The following LUZP2 variants were observed in gnomAD, a reference collection of about 807,000 sequenced individuals.
LUZP2 encodes the protein leucine zipper protein 2.
Under a neutral mutation model 51.6 loss-of-function variants are expected in LUZP2, and 52 were observed. The observed-to-expected ratio is 1.01, with a 90% CI of 0.81 to 1.27. The LOEUF (loss-of-function observed/expected upper bound fraction) is 1.27, where lower values mean the gene tolerates loss of function less well. Among genes scored for constraint, LUZP2 ranks in the 50% most tolerant of loss-of-function variants. The probability of loss-of-function intolerance (pLI) is 0.00; values close to 1 mark genes in which losing one functional copy is unlikely to be tolerated. For missense variants in LUZP2, 436 were observed against 395.4 expected (o/e 1.10, Z -0.87); for synonymous variants, 154 against 137.3 (o/e 1.12, Z -0.85).
intron 1 of LUZP2, among the ~76,000 whole-genome samples, chr11:24,556,250 A>C (rs1851866309): frequency 6.6e-6 from 1 of 152,166 alleles, no homozygotes. Flanking sequence ...ATTACGTTGA[A>C]AGTTTTGTGA....
chr11:24,670,569 C>T (rs879296420), intron 1 of LUZP2, among the ~76,000 whole-genome samples: 70 of 151,900 alleles, frequency 4.6e-4, no homozygotes, highest in Non-Finnish European at 1.8e-4. Flanking sequence ...TTCTAATAGG[C>T]TGTTTTTTTG....
intron 1 of LUZP2, among the ~76,000 whole-genome samples, chr11:24,593,164 A>G (rs1853316519): frequency 6.6e-6 from 1 of 152,154 alleles, no homozygotes; most frequent in African/African-American, 2.4e-5. Flanking sequence ...AGTAAAAATC[A>G]ACTTTCCTCT....
chr11:24,598,503 A>G lies in LUZP2; in HGVS notation c.62+101198A>G, dbSNP rs139502465. ...TTAGATTTTTAAGCAAAATTAGATG[A>G]TTAAAAAAATAAGTGCATCAGCAGG... On this transcript the variant is annotated intron_variant, in intron 1 of 11. Transcript: ENST00000336930. Among the ~76,000 whole-genome samples, 192 of 152,242 alleles carry G rather than the reference A, an allele frequency of 1.3e-3. 1 individual carries two copies. Among genetic ancestry groups the G allele is most frequent in the Middle Eastern group, 3.4e-3 (1 of 294 alleles).
At chr11:24,668,373 C>T (rs993110103) in intron 1 of LUZP2, among the ~76,000 whole-genome samples, 5 of 152,300 alleles carry the variant, frequency 3.3e-5, no homozygotes, top group East Asian at 1.9e-4. Context: ...GAATTTGATA[C>T]ATGTTTCTTC....
At chr11:24,799,668 A>C (rs1004976649) in intron 5 of LUZP2, among the ~76,000 whole-genome samples, 1 of 152,128 alleles carries the variant, frequency 6.6e-6, no homozygotes, top group Non-Finnish European at 1.5e-5. Context: ...CACCAACTTC[A>C]TAACTCTAGT....
At chr11:24,727,061 G>T (rs952440084) in intron 1 of LUZP2, among the ~76,000 whole-genome samples, 1 of 151,784 alleles carries the variant, frequency 6.6e-6, no homozygotes, top group Non-Finnish European at 1.5e-5. Context: ...GATTTAAATT[G>T]GTTCTGTTTT....
intron 9 of LUZP2, among the ~76,000 whole-genome samples, chr11:24,996,096 A>T (rs774551038): frequency 7.9e-5 from 12 of 151,168 alleles, no homozygotes; most frequent in Non-Finnish European, 1.6e-4. Flanking sequence ...ATTATCTATT[A>T]TAATATATTT....
chr11:24,776,125 C>T (rs1848911650), intron 5 of LUZP2, among the ~76,000 whole-genome samples: 1 of 152,106 alleles, frequency 6.6e-6, no homozygotes, highest in South Asian at 2.1e-4. Context: ...ATAAGTTAAA[C>T]TTATCAATAA....
chr11:24,756,203 C>T (rs79627972), intron 4 of LUZP2, among the ~76,000 whole-genome samples: 1 of 152,132 alleles, frequency 6.6e-6, no homozygotes, highest in Non-Finnish European at 1.5e-5. Context: ...TCAGACCGAA[C>T]CAATGTGTAC....
chr11:24,670,745 T>A (rs1382327226), intron 1 of LUZP2, among the ~76,000 whole-genome samples: 3 of 151,978 alleles, frequency 2.0e-5, no homozygotes, highest in Non-Finnish European at 4.4e-5. Flanking sequence ...TTTCTTTTAT[T>A]TCATCAGAAA....
chr11:25,031,438 T>C (rs192548005), intron 9 of LUZP2, among the ~76,000 whole-genome samples: 1 of 152,312 alleles, frequency 6.6e-6, no homozygotes, highest in Admixed American at 6.5e-5. Context: ...GTTTATGTGG[T>C]GTTGCCTTTA....
At position 24,660,526 on chromosome 11, in the gene LUZP2, C is replaced by T. The variant is rs186826117; in HGVS notation, c.63-68643C>T. On this transcript the variant is annotated intron_variant, in intron 1 of 11. Transcript: ENST00000336930. Reference sequence around the variant, plus strand: ...AAATAATGATATAATTTTTCTCCAACTGAATTCACTGATATCTTAAATTCT... The same window carrying T: ...AAATAATGATATAATTTTTCTCCAATTGAATTCACTGATATCTTAAATTCT... 2.8e-3 allele frequency among the ~76,000 whole-genome samples: 426 copies of T among 152,212 alleles called. 2 individuals carry two copies. The highest frequency in any genetic ancestry group is 9.9e-3 in the African/African-American group (410 of 41,538).
chr11:24,778,714 G>C (rs377428039), intron 5 of LUZP2, among the ~76,000 whole-genome samples: 5 of 152,242 alleles, frequency 3.3e-5, no homozygotes, highest in African/African-American at 1.2e-4. Flanking sequence ...TGAGAATGAA[G>C]AGTAGAATTT....
Position 24,789,430 on chromosome 11 carries a change from A to T in LUZP2, c.396+26122A>T, listed in dbSNP as rs531744242. Among the ~76,000 whole-genome samples, 13 of 151,834 alleles carry T rather than the reference A, an allele frequency of 8.6e-5. No individual in the cohort carries two copies. In the South Asian group the frequency reaches 2.7e-3, roughly 32 times the overall value. On this transcript the variant is annotated intron_variant, in intron 5 of 11. Coordinates refer to ENST00000336930, the MANE Select transcript of LUZP2 (RefSeq NM_001009909.4). The stretch of plus-strand genomic sequence containing the variant: ...GGATTACCTCTTATAGTTTCTCTTT[A>T]CTCCCTACATGTTAGCAAATAGTTT...
intron 1 of LUZP2, among the ~76,000 whole-genome samples, chr11:24,681,072 C>T (rs1856720483): frequency 6.6e-6 from 1 of 151,828 alleles, no homozygotes; most frequent in Admixed American, 6.6e-5. Flanking sequence ...AGCTCCGCTT[C>T]CCGGGTTCAC....
intron 6 of LUZP2, among the ~76,000 whole-genome samples, chr11:24,913,312 T>A (rs1344419365): frequency 6.6e-6 from 1 of 152,214 alleles, no homozygotes; most frequent in Non-Finnish European, 1.5e-5. Context: ...ATAATGCTTT[T>A]GAAATTTGTC....
At chr11:24,950,167 G>T (rs1016351150) in intron 7 of LUZP2, among the ~76,000 whole-genome samples, 2 of 151,218 alleles carry the variant, frequency 1.3e-5, no homozygotes, top group African/African-American at 4.8e-5. Flanking sequence ...TGAGTAGACA[G>T]ATCAATGATG....
chr11:24,976,528 G>A, intron 7 of LUZP2, 63 bp from the exon 8 acceptor site: 1 of 1,053,206 alleles, frequency 9.5e-7, no homozygotes, highest in Non-Finnish European at 1.4e-6. Context: ...ATATATGACA[G>A]ATGCTTAAAG....
chr11:24,956,408 G>A lies in LUZP2; in HGVS notation c.523-20183G>A, dbSNP rs185490897. 2.3e-3 allele frequency among the ~76,000 whole-genome samples: 353 copies of A among 152,122 alleles called. 1 individual carries two copies. Among genetic ancestry groups the A allele is most frequent in the African/African-American group, 7.9e-3 (329 of 41,500 alleles). On this transcript the variant is annotated intron_variant, in intron 7 of 11. Transcript: ENST00000336930. ...TATTTCTAGAATTTTAAGGCAATAC[G>A]TTTTCGATGTTTTAAGCCACTAAGC...
Sources: gnomAD v4.1 joint callset for allele counts (sites outside exome capture counted in the v4.1 genomes callset) on GRCh38, gnomAD v4.1.1 for gene constraint, MANE v1.5 for transcripts, NCBI Gene and HGNC (gene_info 2026-07-23, HGNC 2026-07-21) for gene names.